Variants in RERE observed in about 807,000 individuals in gnomAD.
RERE encodes the protein arginine-glutamic acid dipeptide repeats.
Under a neutral mutation model 146.1 loss-of-function variants are expected in RERE, and 40 were observed. The observed-to-expected ratio is 0.27, with a 90% confidence interval of 0.21 to 0.36. RERE has a LOEUF of 0.36. Among genes scored for constraint, RERE ranks in the 10% least tolerant of loss-of-function variants. The pLI is 1.00. For synonymous variants in RERE, 1,003 were observed against 866.0 expected, an observed-to-expected ratio of 1.16 and a Z score of -2.78; for missense variants, 1,933 against 2,138.7, an observed-to-expected ratio of 0.90 and a Z score of 1.90.
intron 6 of RERE, among the ~76,000 whole-genome samples, chr1:8,550,367 G>C (rs1054567758): frequency 1.3e-5 from 2 of 152,124 alleles, no homozygotes; most frequent in African/African-American, 4.8e-5. Context: ...GAAGTACTAA[G>C]CATGTATAGA....
chr1:8,722,037 T>C (rs1639873715), intron 1 of RERE, among the ~76,000 whole-genome samples: 1 of 152,254 alleles, frequency 6.6e-6, no homozygotes, highest in African/African-American at 2.4e-5. Context: ...TGTTTCTGCT[T>C]TCTTCAGCCC....
At chr1:8,415,020 T>C (rs1388632058) in intron 12 of RERE, among the ~76,000 whole-genome samples, 2 of 152,240 alleles carry the variant, frequency 1.3e-5, no homozygotes, top group East Asian at 3.8e-4. Context: ...AAAAATGAAC[T>C]AGTTATTCAA....
In RERE at chr1:8,359,922, G is replaced by C; in HGVS notation, c.3460C>G (p.Leu1154Val). Residue 1154 changes from leucine to valine, a missense_variant, in exon 19 of 23, where the codon CTG becomes GTG. By Grantham distance (32) the Leu-to-Val change is conservative. Around this residue, in one of 11 missense-constraint regions of RERE, gnomAD observed 1,255 missense variants for 1,153.8 expected, o/e 1.09. Coordinates refer to ENST00000400908, the MANE Select transcript of RERE (RefSeq NM_001042681.2). ...CARTDLYFMP[L>V]AGSKLAKKRE... ...TTCTTGGCCAGCTTGGACCCGGCCA[G>C]AGGCATGAAGTACAGGTCTGTCCGG... 6.2e-7 allele frequency: 1 copy of C among 1,613,388 alleles called. No individual in the cohort carries two copies. Among genetic ancestry groups the C allele is most frequent in the East Asian group, 2.2e-5 (1 of 44,870 alleles).
chr1:8,474,149 A>C (rs866007844), intron 10 of RERE, among the ~76,000 whole-genome samples: 1 of 152,240 alleles, frequency 6.6e-6, no homozygotes, highest in African/African-American at 2.4e-5. Context: ...TCTCGAAAGA[A>C]TAAATAATAC....
chr1:8,411,076 C>G (rs1383134057), intron 12 of RERE, among the ~76,000 whole-genome samples: 1 of 152,034 alleles, frequency 6.6e-6, no homozygotes, highest in African/African-American at 2.4e-5. Context: ...GAAATAATAA[C>G]TAGAACAGAG....
chr1:8,771,185 A>G (rs534524578), intron 1 of RERE, among the ~76,000 whole-genome samples: 16 of 152,190 alleles, frequency 1.1e-4, no homozygotes, highest in Non-Finnish European at 2.2e-4. Flanking sequence ...TTTTAGAGAA[A>G]AAACATGGAA....
chr1:8,533,503 C>A (rs1048876081), intron 7 of RERE, among the ~76,000 whole-genome samples: 1 of 152,004 alleles, frequency 6.6e-6, no homozygotes, highest in Non-Finnish European at 1.5e-5. Flanking sequence ...GAGGGTGTCT[C>A]CCATTAAAAA....
intron 1 of RERE, among the ~76,000 whole-genome samples, chr1:8,751,777 TAAAA>T (rs144355478): frequency 4.1e-4 from 58 of 141,518 alleles, no homozygotes; most frequent in African/African-American, 1.2e-3. Flanking sequence ...CCTTTCACTT[TAAAA>T]AAAAAAAAAA....
intron 10 of RERE, among the ~76,000 whole-genome samples, chr1:8,475,876 T>G (rs1286159810): frequency 6.6e-6 from 1 of 152,200 alleles, no homozygotes; most frequent in East Asian, 1.9e-4. Flanking sequence ...TCATTTCAAA[T>G]AATGCTATTA....
At chr1:8,692,356 C>CTT (rs1423400255) in intron 1 of RERE, among the ~76,000 whole-genome samples, 2 of 118,338 alleles carry the variant, frequency 1.7e-5, no homozygotes, top group African/African-American at 6.2e-5. Flanking sequence ...TTTTTTTTTT[C>CTT]TTTTTTTTTG....
At chr1:8,459,937 C>A (rs951411526) in intron 11 of RERE, among the ~76,000 whole-genome samples, 22 of 152,158 alleles carry the variant, frequency 1.4e-4, no homozygotes, top group African/African-American at 4.6e-4. Context: ...ATATAACTAA[C>A]CCTTCCCCTA....
intron 3 of RERE, among the ~76,000 whole-genome samples, chr1:8,617,916 T>C (rs1040184494): frequency 5.9e-5 from 9 of 152,270 alleles, no homozygotes; most frequent in African/African-American, 2.2e-4. Flanking sequence ...ATTATTTCTA[T>C]ACATTACACA....
At chr1:8,418,189 A>C (rs912245116) in intron 12 of RERE, among the ~76,000 whole-genome samples, 1 of 152,212 alleles carries the variant, frequency 6.6e-6, no homozygotes, top group African/African-American at 2.4e-5. Context: ...GAACTTTAAA[A>C]AATTGAACTA....
intron 10 of RERE, among the ~76,000 whole-genome samples, chr1:8,477,230 T>C (rs552456713): frequency 4.9e-4 from 74 of 152,308 alleles, no homozygotes; most frequent in East Asian, 3.3e-3. Context: ...GCGGAGGGTG[T>C]AGGCTGCTTG....
Position 8,423,165 on chromosome 1 carries a change from AC to A in RERE, c.1204-359del. The A allele has an allele frequency of 5.2e-6, 1 of 191,314 alleles. No individual in the cohort carries two copies. Among genetic ancestry groups the A allele is most frequent in the South Asian group, 9.4e-5 (1 of 10,588 alleles). The allele number at this position is 191,314 out of a possible 1,614,324, so 11.9% of individuals were successfully genotyped here. On this transcript the variant is annotated intron_variant, in intron 11 of 22. Transcript: ENST00000400908. The surrounding 1 kb of genome is among the most constrained non-coding windows in gnomAD (Gnocchi z 5.4). ...TTTAATAAAACACAACTGCTTTCCC[AC>A]CTGAGAACCAAGCTTCCCAGAAGTG...
In RERE at chr1:8,360,189, G is replaced by C. The variant is rs1202583521; in HGVS notation, c.3318C>G (p.Ser1106Arg). The change falls in exon 18 of 23, where the codon AGC becomes AGG. Residue 1106 changes from serine to arginine, a missense_variant. Ser to Arg is a moderately radical substitution (Grantham distance 110). Transcript: ENST00000400908. Reference protein sequence around the residue: ...EALDDAEEPESPPPPPRSPSP... With the variant: ...EALDDAEEPERPPPPPRSPSP... ...ACGGGCTCCTTGGTGGGGGAGGGGG[G>C]CTCTCAGGCTCCTCAGCGTCGTCCA... is the stretch of plus-strand genomic sequence containing the variant. 5.0e-6 allele frequency: 8 copies of C among 1,596,626 alleles called. No homozygotes were observed. The highest frequency in any genetic ancestry group is 6.8e-6 in the Non-Finnish European group (8 of 1,172,530).
At chr1:8,579,125 G>A (rs1430235298) in intron 4 of RERE, among the ~76,000 whole-genome samples, 2 of 152,180 alleles carry the variant, frequency 1.3e-5, no homozygotes, top group African/African-American at 2.4e-5. Context: ...GTCCATGTCT[G>A]TTACTCACGC....
intron 1 of RERE, among the ~76,000 whole-genome samples, chr1:8,665,235 A>G (rs2124357461): frequency 6.6e-6 from 1 of 152,340 alleles, no homozygotes; most frequent in East Asian, 1.9e-4. Flanking sequence ...AAAACAGGTT[A>G]AATTCCCTTC....
At chr1:8,549,642 A>G (rs563056353) in intron 6 of RERE, among the ~76,000 whole-genome samples, 1 of 152,368 alleles carries the variant, frequency 6.6e-6, no homozygotes, top group Admixed American at 6.5e-5. Flanking sequence ...GCAGAGTGTC[A>G]AAGTATCTCC....
Sources: allele counts gnomAD v4.1 joint callset (sites outside exome capture counted in the v4.1 genomes callset), GRCh38; gene constraint gnomAD v4.1.1; regional missense constraint gnomAD v4.1.1; non-coding constraint Gnocchi (gnomAD v3.1); transcripts MANE v1.5; gene names NCBI Gene and HGNC (gene_info 2026-07-23, HGNC 2026-07-21).